ZNF221: variants seen among roughly 807,000 people sequenced by gnomAD.
ZNF221 encodes zinc finger protein 221.
A neutral mutation model predicts 12.6 loss-of-function variants in ZNF221; 10 were observed. The ratio of observed to expected loss-of-function variants is 0.79; its 90% confidence interval spans 0.49 to 1.34. The LOEUF is 1.34. ZNF221 is among the 40% of genes most tolerant of loss of function. ZNF221 has a pLI of 0.00. For synonymous variants in ZNF221, 232 were observed against 244.0 expected (o/e 0.95, Z 0.46); for missense variants, 661 against 721.4 (o/e 0.92, Z 0.96).
intron 1 of ZNF221, among the ~76,000 whole-genome samples, chr19:43,954,276 T>C (rs1448644881): frequency 1.3e-5 from 2 of 152,214 alleles, no homozygotes; most frequent in Admixed American, 1.3e-4. Context: ...TTCAGGCATC[T>C]GGTGTAATTG....
intron 2 of ZNF221, among the ~76,000 whole-genome samples, chr19:43,963,107 A>T (rs1405873717): frequency 6.6e-6 from 1 of 152,156 alleles, no homozygotes; most frequent in Non-Finnish European, 1.5e-5. Flanking sequence ...GTACATTCAT[A>T]ACTGTATTTT....
the ZNF221 span, among the ~76,000 whole-genome samples, chr19:43,977,880 T>A: frequency 6.6e-6 from 1 of 152,188 alleles, no homozygotes; most frequent in Admixed American, 6.5e-5. Flanking sequence ...GTTCTGTGAT[T>A]TACTAAAATA....
intron 1 of ZNF221, among the ~76,000 whole-genome samples, chr19:43,954,758 GA>G (rs1227230615): frequency 3.3e-5 from 5 of 151,698 alleles, no homozygotes; most frequent in African/African-American, 1.2e-4. Context: ...CAGGTATGGG[GA>G]AAAAAATTGA....
chr19:43,953,284 C>T (rs534412829), intron 1 of ZNF221, among the ~76,000 whole-genome samples: 5 of 150,586 alleles, frequency 3.3e-5, no homozygotes, highest in Non-Finnish European at 5.9e-5. Context: ...ATGCTTATTG[C>T]CTTATTACAA....
chr19:43,974,817 G>C, the ZNF221 span, among the ~76,000 whole-genome samples: 1 of 152,180 alleles, frequency 6.6e-6, no homozygotes, highest in Admixed American at 6.5e-5. Context: ...TCAGGAGTTG[G>C]AGACCAGCCC....
chr19:43,972,503 C>T (rs998712678), downstream of ZNF221, among the ~76,000 whole-genome samples: 2 of 151,554 alleles, frequency 1.3e-5, no homozygotes, highest in African/African-American at 4.8e-5. Flanking sequence ...TAATAGACTG[C>T]TAACTAGACT....
At chr19:43,969,883 C>T (rs1975059961), downstream of ZNF221, among the ~76,000 whole-genome samples, 3 of 152,222 alleles carry the variant, frequency 2.0e-5, no homozygotes, top group Admixed American at 2.0e-4. Context: ...GGTCCTCCCC[C>T]ACCGCAGCAC....
downstream of ZNF221, among the ~76,000 whole-genome samples, chr19:43,971,450 G>A (rs574965176): frequency 6.6e-6 from 1 of 152,242 alleles, no homozygotes; most frequent in Non-Finnish European, 1.5e-5. Flanking sequence ...CCAATTGAAA[G>A]ACAGAGAAGT....
intron 1 of ZNF221, 70 bp from the exon 2 acceptor site, chr19:43,962,655 C>T: frequency 7.1e-7 from 1 of 1,414,014 alleles, no homozygotes; most frequent in Non-Finnish European, 1.0e-6. Context: ...AAATACTTGT[C>T]TATGTTGGTG....
chr19:43,974,611 C>T, the ZNF221 span, among the ~76,000 whole-genome samples: 2 of 114,784 alleles, frequency 1.7e-5, no homozygotes, highest in Non-Finnish European at 3.8e-5. Context: ...AGAAGACGTA[C>T]ATGCAGCTGA....
At chr19:43,959,657 T>C (rs1482993412) in intron 1 of ZNF221, among the ~76,000 whole-genome samples, 1 of 152,216 alleles carries the variant, frequency 6.6e-6, no homozygotes, top group African/African-American at 2.4e-5. Flanking sequence ...ACATGCCTGC[T>C]CCTACTTCAC....
At chr19:43,959,036 G>A (rs73933626) in intron 1 of ZNF221, among the ~76,000 whole-genome samples, 1,976 of 151,604 alleles carry the variant, frequency 0.013, 44 homozygotes, top group African/African-American at 0.046. Context: ...GGTGTTTACC[G>A]TCTGTAATTG....
chr19:43,966,347 AT>A lies in ZNF221; in HGVS notation c.846del (p.Tyr282Ter). The A allele has an allele frequency of 6.2e-7, 1 of 1,614,186 alleles. No homozygotes were observed. Among genetic ancestry groups the A allele is most frequent in the Non-Finnish European group, 8.5e-7 (1 of 1,180,006 alleles). ...AAATTGCACACAGGAGAGAAACCTT[AT>A]AATTGTGAGGAATGTGGGAAAGCCT... is the stretch of plus-strand genomic sequence containing the variant. ...HCKLHTGEKPYNCEECGKAFI... is the reference protein window; with the variant it reads ...HCKLHTGEKPXNCEECGKAFI... On this transcript the variant is annotated frameshift_variant, in exon 5 of 5. Coordinates refer to ENST00000587682, the MANE Select transcript of ZNF221 (RefSeq NM_001297588.2). LOFTEE classifies it low-confidence loss of function (END_TRUNC).
chr19:43,980,688 C>G, the ZNF221 span, among the ~76,000 whole-genome samples: 4 of 152,174 alleles, frequency 2.6e-5, no homozygotes, highest in Admixed American at 2.0e-4. Flanking sequence ...ATTGAGCTAT[C>G]CCTTCTGGGT....
At chr19:43,970,796 GA>G (rs1975081231), downstream of ZNF221, among the ~76,000 whole-genome samples, 1 of 152,158 alleles carries the variant, frequency 6.6e-6, no homozygotes, top group African/African-American at 2.4e-5. Context: ...ACTGATTGCG[GA>G]ACCTGAAACA....
At position 43,964,987 on chromosome 19, in the gene ZNF221, C is replaced by G. The variant is rs149429741; in HGVS notation, c.119C>G (p.Thr40Ser). 7.0e-5 allele frequency: 113 copies of G among 1,614,112 alleles called. No homozygotes were observed. In the African/African-American group the frequency reaches 1.2e-3, roughly 18 times the overall value. Residue 40 changes from threonine (T) to serine (S), a missense_variant, in exon 3 of 5, where the codon ACT becomes AGT. Transcript: ENST00000587682. Reference sequence around the variant, plus strand: ...TTCAAGGATGTGGCTGTGGTCTTCACTGAGGAGGAGCTGGGGCTGCTGGAC... The same window carrying G: ...TTCAAGGATGTGGCTGTGGTCTTCAGTGAGGAGGAGCTGGGGCTGCTGGAC... ...VTFKDVAVVF[T>S]EEELGLLDPA...
At chr19:43,980,496 C>T in the ZNF221 span, among the ~76,000 whole-genome samples, 1 of 152,212 alleles carries the variant, frequency 6.6e-6, no homozygotes, top group Admixed American at 6.5e-5. Context: ...TTGGCAACGA[C>T]TAACTCCTAT....
At position 43,966,954 on chromosome 19, in the gene ZNF221, C is replaced by T; in HGVS notation, c.1452C>T (p.Gly484=). ...GERPYNCKEC[G]KSFGWASCLL... ...GACCCTATAATTGTAAGGAATGTGG[C>T]AAGAGCTTTGGCTGGGCCTCCTGTC... Residue 484 remains glycine (G), a synonymous_variant, in exon 5 of 5, where the codon GGC becomes GGT. Transcript: ENST00000587682. 4 of 1,612,386 alleles carry T rather than the reference C, an allele frequency of 2.5e-6. No individual in the cohort carries two copies. The highest frequency in any genetic ancestry group is 3.4e-6 in the Non-Finnish European group (4 of 1,179,562).
In ZNF221 at chr19:43,966,851, A is replaced by G. The variant is rs1443884122; in HGVS notation, c.1349A>G (p.Tyr450Cys). The G allele has an allele frequency of 7.4e-6, 12 of 1,614,252 alleles. No homozygotes were observed. The highest frequency in any genetic ancestry group is 1.1e-5 in the South Asian group (1 of 91,086). ...HQRSHNGEKP[Y>C]NCEECGKDYK... ...AGATCCCACAATGGAGAAAAGCCAT[A>G]TAACTGTGAGGAGTGTGGTAAGGAC... Residue 450 changes from tyrosine (Y) to cysteine (C), a missense_variant, in exon 5 of 5, where the codon TAT becomes TGT. Tyr to Cys is a radical substitution (Grantham distance 194, BLOSUM62 -2). Transcript: ENST00000587682.
Sources: gnomAD v4.1 joint callset for allele counts (sites outside exome capture counted in the v4.1 genomes callset) on GRCh38, gnomAD v4.1.1 for gene constraint, MANE v1.5 for transcripts, NCBI Gene and HGNC (gene_info 2026-07-23, HGNC 2026-07-21) for gene names.